Variants in TTC38 observed in about 807,000 individuals in gnomAD.
TTC38 encodes tetratricopeptide repeat domain 38.
TTC38 carries 64 observed loss-of-function variants against 64.2 expected under a neutral mutation model. The observed-to-expected ratio is 1.00, with a 90% CI of 0.81 to 1.23. The LOEUF is 1.23. TTC38 is among the 50% of genes most tolerant of loss of function. The pLI is 0.00. For missense variants in TTC38, 573 were observed against 615.5 expected, an observed-to-expected ratio of 0.93 and a Z score of 0.73; for synonymous variants, 254 against 249.3, an observed-to-expected ratio of 1.02 and a Z score of -0.18.
At position 46,289,452 on chromosome 22, in the gene TTC38, C is replaced by T. The variant is rs1467365462; in HGVS notation, c.1133C>T (p.Pro378Leu). 1.9e-6 allele frequency: 3 copies of T among 1,609,646 alleles called. No individual in the cohort carries two copies. The highest frequency in any genetic ancestry group is 1.7e-5 in the Admixed American group (1 of 59,970). The change falls in exon 12 of 14, where the codon CCC becomes CTC. Residue 378 changes from proline to leucine, a missense_variant. By Grantham distance (98) the Pro-to-Leu change is moderately conservative. Coordinates refer to ENST00000381031, the MANE Select transcript of TTC38 (RefSeq NM_017931.4). ...QHLLARDVGL[P>L]LCQALVEAED... ...CTCCTGGCCCGAGACGTGGGGCTGC[C>T]CCTGTGCCAGGCCCTGGTGGAGGCT...
At position 46,276,810 on chromosome 22, in the gene TTC38, A is replaced by AT; in HGVS notation, c.539+1389_539+1390insT. Among the ~76,000 whole-genome samples the AT allele has an allele frequency of 5.8e-5, 8 of 138,164 alleles. No homozygotes were observed. Among genetic ancestry groups the AT allele is most frequent in the African/African-American group, 2.1e-4 (7 of 33,826 alleles). 90.6% of individuals were successfully genotyped at this position (138,164 alleles called of 152,430 possible). A position where few individuals can be genotyped will look rare whatever the true frequency, so the allele number is the denominator to read the frequency against. On this transcript the variant is annotated intron_variant, in intron 5 of 13. Transcript: ENST00000381031. The surrounding 1 kb of genome is among the most constrained non-coding windows in gnomAD (Gnocchi z 4.7). Reference sequence around the variant, plus strand: ...AATATATATTAAAAATTATATATTAAAATATATATATTAAATATATATATA... The same window carrying AT: ...AATATATATTAAAAATTATATATTAATAATATATATATTAAATATATATATA...
chr22:46,274,166 G>T lies in TTC38; in HGVS notation c.365+97G>T. ...CTGATGCCCTTGGGACGGGGGCGGG[G>T]TGGGAGAATGCTTCTCTCCCTGCCT... is the stretch of plus-strand genomic sequence containing the variant. On this transcript the variant is annotated intron_variant, in intron 4 of 13. Transcript: ENST00000381031. The surrounding 1 kb of genome is among the most constrained non-coding windows in gnomAD (Gnocchi z 4.8). 1.4e-6 allele frequency: 1 copy of T among 718,272 alleles called. No individual in the cohort carries two copies. The highest frequency in any genetic ancestry group is 3.5e-5 in the East Asian group (1 of 28,924). 44.5% of individuals were successfully genotyped at this position (718,272 alleles called of 1,614,324 possible). A position where few individuals can be genotyped will look rare whatever the true frequency, so the allele number is the denominator to read the frequency against.
In TTC38 at chr22:46,272,875, G is replaced by A. The variant is rs1936925376; in HGVS notation, c.193+459G>A. 1.3e-5 allele frequency among the ~76,000 whole-genome samples: 2 copies of A among 152,182 alleles called. No individual in the cohort carries two copies. Among genetic ancestry groups the A allele is most frequent in the Admixed American group, 1.3e-4 (2 of 15,274 alleles). ...TCATCCAGAGTGGCCAGGGTGAGGT[G>A]GTGACAGAGGCTGGCATCCAGGCAA... On this transcript the variant is annotated intron_variant, in intron 3 of 13. Transcript: ENST00000381031. The surrounding 1 kb of genome is among the most constrained non-coding windows in gnomAD (Gnocchi z 6.4).
chr22:46,281,666 C>G lies in TTC38; in HGVS notation c.683C>G (p.Ala228Gly). ...GTCGCTCACATCCACGAGATGAAAG[C>G]AGAGATCAAGGATGGGTTGGAATTC... is the stretch of plus-strand genomic sequence containing the variant. ...HTVAHIHEMK[A>G]EIKDGLEFMQ... is the part of the protein sequence containing the mutation. The change falls in exon 7 of 14, where the codon GCA becomes GGA. Residue 228 changes from alanine (A) to glycine (G), a missense_variant. By Grantham distance (60) the Ala-to-Gly change is moderately conservative (BLOSUM62 0). This residue lies in a region of TTC38 where 371 missense variants were observed against 381.8 expected (regional missense o/e 0.97). Transcript: ENST00000381031. This position sits in a 1 kb window ranked among gnomAD's most constrained non-coding sequence, Gnocchi z 5.2. 6.2e-7 allele frequency: 1 copy of G among 1,614,178 alleles called. No individual in the cohort carries two copies. Among genetic ancestry groups the G allele is most frequent in the Non-Finnish European group, 8.5e-7 (1 of 1,180,044 alleles).
At chr22:46,285,324 CTT>C in intron 9 of TTC38, 45 bp downstream of exon 9, 4 of 1,598,680 alleles carry the variant, frequency 2.5e-6, no homozygotes, top group Non-Finnish European at 3.4e-6. Context: ...AGCATTTTGC[CTT>C]TGAGTCTCAA....
At chr22:46,290,479 G>A (rs1162975388) in intron 13 of TTC38, among the ~76,000 whole-genome samples, 2 of 151,568 alleles carry the variant, frequency 1.3e-5, no homozygotes, top group Non-Finnish European at 2.9e-5. Flanking sequence ...GGAGGGTGGC[G>A]TGGCTGGAGG....
chr22:46,288,467 C>T lies in TTC38; in HGVS notation c.961C>T (p.Arg321Trp), dbSNP rs199960981. 399 of 1,613,968 alleles carry T rather than the reference C, an allele frequency of 2.5e-4. 1 individual carries two copies. In the African/African-American group the frequency reaches 4.3e-3, roughly 17 times the overall value. The part of the protein sequence containing the change: ...QRWQDVLPVA[R>W]KHSRDHILLF... ...GTGGCAGGATGTCCTGCCTGTGGCC[C>T]GGAAGCACAGCCGAGACCACATCCT... The change falls in exon 11 of 14, where the codon CGG becomes TGG. Residue 321 changes from arginine (R) to tryptophan (W), a missense_variant. Transcript: ENST00000381031.
At chr22:46,284,665 G>A (rs1238587769) in intron 8 of TTC38, among the ~76,000 whole-genome samples, 1 of 152,024 alleles carries the variant, frequency 6.6e-6, no homozygotes, top group Non-Finnish European at 1.5e-5. Context: ...AATAACTTGA[G>A]GTCAAGAGTT....
rs1173547788 is a variant in TTC38, at chr22:46,274,709, A to G, written c.366-539A>G. Among the ~76,000 whole-genome samples, 2 of 149,678 alleles carry G rather than the reference A, an allele frequency of 1.3e-5. No homozygotes were observed. The highest frequency in any genetic ancestry group is 3.0e-5 in the Non-Finnish European group (2 of 67,686). On this transcript the variant is annotated intron_variant, in intron 4 of 13. Coordinates refer to ENST00000381031, the MANE Select transcript of TTC38 (RefSeq NM_017931.4). This position sits in a 1 kb window ranked among gnomAD's most constrained non-coding sequence, Gnocchi z 4.8. The stretch of plus-strand genomic sequence containing the variant: ...TGGCTGTCTCACGGTCTCCACTGGG[A>G]TTATCTTTGGCAATTTGTTAAACCA...
intron 6 of TTC38, among the ~76,000 whole-genome samples, chr22:46,279,528 C>G (rs981523553): frequency 2.6e-5 from 4 of 152,260 alleles, no homozygotes; most frequent in African/African-American, 9.6e-5. Flanking sequence ...GCTGTCCTTT[C>G]AGCTGCCTGC....
chr22:46,269,615 C>T (rs1369045380), intron 2 of TTC38, among the ~76,000 whole-genome samples: 1 of 152,210 alleles, frequency 6.6e-6, no homozygotes, highest in East Asian at 1.9e-4. Flanking sequence ...CTCTTAGAAG[C>T]CTACGGGCTG....
chr22:46,276,377 C>G lies in TTC38; in HGVS notation c.539+956C>G, dbSNP rs1293417480. The stretch of plus-strand genomic sequence containing the variant: ...CACATGGAGGGTAATCTGCTTTACT[C>G]AAATCGCATCTAGAAATACCTTCAC... On this transcript the variant is annotated intron_variant, in intron 5 of 13. Coordinates refer to ENST00000381031, the MANE Select transcript of TTC38 (RefSeq NM_017931.4). The surrounding 1 kb of genome is among the most constrained non-coding windows in gnomAD (Gnocchi z 4.7). Among the ~76,000 whole-genome samples the G allele has an allele frequency of 1.3e-5, 2 of 152,122 alleles. No homozygotes were observed. Among genetic ancestry groups the G allele is most frequent in the South Asian group, 2.1e-4 (1 of 4,828 alleles).
chr22:46,280,703 G>A (rs2077527892), intron 6 of TTC38, among the ~76,000 whole-genome samples: 3 of 152,304 alleles, frequency 2.0e-5, no homozygotes, highest in Middle Eastern at 3.4e-3. Context: ...TGCTGGGGCC[G>A]ACCTCCTGCC....
At chr22:46,283,483 C>T (rs1569022764) in intron 7 of TTC38, among the ~76,000 whole-genome samples, 3 of 152,246 alleles carry the variant, frequency 2.0e-5, no homozygotes, top group Non-Finnish European at 4.4e-5. Context: ...ATTTCTTCAC[C>T]GCCCTTCGGA....
At chr22:46,269,217 C>G in intron 2 of TTC38, 1 of 339,642 alleles carries the variant, frequency 2.9e-6, no homozygotes, top group Non-Finnish European at 6.1e-6. Context: ...CCGGGCCTCC[C>G]ATTGTGGCCT....
In TTC38 at chr22:46,281,719, G is replaced by C; in HGVS notation, c.735+1G>C. 16 of 1,613,772 alleles carry C rather than the reference G, an allele frequency of 9.9e-6. No individual in the cohort carries two copies. Among genetic ancestry groups the C allele is most frequent in the Non-Finnish European group, 1.4e-5 (16 of 1,180,026 alleles). On this transcript the variant is annotated splice_donor_variant, in intron 7 of 13. Transcript: ENST00000381031. LOFTEE classifies it high-confidence loss of function. The surrounding 1 kb of genome is among the most constrained non-coding windows in gnomAD (Gnocchi z 5.2). ...GCAGCACTCAGAGACCTTCTGGAAGGTATGATGCTTGTCAATGGGTCACCT... is the reference window on the plus strand; with the variant it reads ...GCAGCACTCAGAGACCTTCTGGAAGCTATGATGCTTGTCAATGGGTCACCT...
rs1936980044 is a variant in TTC38 at position 46,275,167 on chromosome 22, G to A, written c.366-81G>A. ...CACATCCATGTAGACCATGACACTG[G>A]TGAGAAACAATGCCTCTTACACTCC... On this transcript the variant is annotated intron_variant, in intron 4 of 13. Transcript: ENST00000381031. The surrounding 1 kb of genome is among the most constrained non-coding windows in gnomAD (Gnocchi z 4.5). 27 of 1,352,698 alleles carry A rather than the reference G, an allele frequency of 2.0e-5. No individual in the cohort carries two copies. Among genetic ancestry groups the A allele is most frequent in the Non-Finnish European group, 2.7e-5 (26 of 975,078 alleles). The allele number at this position is 1,352,698 out of a possible 1,614,324, so 83.8% of individuals were successfully genotyped here.
Position 46,273,254 on chromosome 22 carries a change from A to G in TTC38, c.194-644A>G, listed in dbSNP as rs147590934. Reference sequence around the variant, plus strand: ...CAGCTGGGCTGGGCTGGGCTCGACCATCGGAATCACCAGCTGTTTTCCAGG... The same window carrying G: ...CAGCTGGGCTGGGCTGGGCTCGACCGTCGGAATCACCAGCTGTTTTCCAGG... On this transcript the variant is annotated intron_variant, in intron 3 of 13. Transcript: ENST00000381031. This position sits in a 1 kb window ranked among gnomAD's most constrained non-coding sequence, Gnocchi z 5.1. 1.8e-3 allele frequency among the ~76,000 whole-genome samples: 278 copies of G among 152,248 alleles called. 2 individuals are homozygous for G. Among genetic ancestry groups the G allele is most frequent in the African/African-American group, 6.4e-3 (265 of 41,550 alleles).
rs765670196 is a variant in TTC38, at chr22:46,283,955, T to G, written c.736-18T>G. On this transcript the variant is annotated intron_variant, in intron 7 of 13. Coordinates refer to ENST00000381031, the MANE Select transcript of TTC38 (RefSeq NM_017931.4). Reference sequence around the variant, plus strand: ...CCTTCAGACTTTTCATAAATTCTCTTTTTTTTTTTTTCTCCAGGACTCTGA... The same window carrying G: ...CCTTCAGACTTTTCATAAATTCTCTGTTTTTTTTTTTCTCCAGGACTCTGA... 5.7e-4 allele frequency: 845 copies of G among 1,470,408 alleles called. 7 individuals are homozygous for G. The highest frequency in any genetic ancestry group is 2.5e-3 in the African/African-American group (172 of 68,486). The allele number at this position is 1,470,408 out of a possible 1,614,324, so 91.1% of individuals were successfully genotyped here. A position where few individuals can be genotyped will look rare whatever the true frequency, so the allele number is the denominator to read the frequency against.
Sources: allele counts gnomAD v4.1 joint callset (sites outside exome capture counted in the v4.1 genomes callset), GRCh38; gene constraint gnomAD v4.1.1; regional missense constraint gnomAD v4.1.1; non-coding constraint Gnocchi (gnomAD v3.1); transcripts MANE v1.5; gene names NCBI Gene and HGNC (gene_info 2026-07-23, HGNC 2026-07-21).